Variants in GULP1 observed in about 807,000 individuals in gnomAD.
GULP1 encodes the protein PTB domain-containing engulfment adapter protein 1.
In GULP1, 19 loss-of-function variants were observed where a neutral mutation model predicts 40.9. That is an observed-to-expected ratio of 0.46 (90% confidence interval 0.32 to 0.68). The LOEUF (loss-of-function observed/expected upper bound fraction) is 0.68, where lower values mean the gene tolerates loss of function less well. GULP1 is among the 30% of genes least tolerant of loss of function. GULP1 has a pLI of 0.03. For missense variants in GULP1, 312 were observed against 362.2 expected (o/e 0.86, Z 1.12); for synonymous variants, 119 against 117.6 (o/e 1.01, Z -0.08).
intron 2 of GULP1, among the ~76,000 whole-genome samples, chr2:188,438,273 C>T (rs113239277): frequency 6.6e-6 from 1 of 151,924 alleles, no homozygotes; most frequent in African/African-American, 2.4e-5. Context: ...CTTCCAACAT[C>T]TTATTGGCCA....
intron 2 of GULP1, among the ~76,000 whole-genome samples, chr2:188,447,900 G>C (rs563632841): frequency 1.3e-5 from 2 of 152,236 alleles, no homozygotes; most frequent in South Asian, 2.1e-4. Context: ...CGTTTTTTGA[G>C]AGAAAGAATT....
chr2:188,552,284 T>C (rs1693669804), intron 7 of GULP1, among the ~76,000 whole-genome samples: 2 of 151,804 alleles, frequency 1.3e-5, no homozygotes, highest in Non-Finnish European at 3.0e-5. Context: ...TTTCTTTTAA[T>C]ATTTTTACAG....
At chr2:188,398,777 AC>A (rs1219874365) in intron 2 of GULP1, among the ~76,000 whole-genome samples, 1 of 152,196 alleles carries the variant, frequency 6.6e-6, no homozygotes, top group Admixed American at 6.5e-5. Flanking sequence ...ATTTGCTTTT[AC>A]AGCATGATTT....
intron 2 of GULP1, among the ~76,000 whole-genome samples, chr2:188,414,232 A>AAG (rs1553544554): frequency 7.8e-4 from 115 of 148,150 alleles, no homozygotes; most frequent in African/African-American, 1.4e-3. Context: ...AAAAAAAAAA[A>AAG]AAAAGAAAAA....
At chr2:188,498,595 T>C (rs1250200579) in intron 4 of GULP1, among the ~76,000 whole-genome samples, 14 of 151,886 alleles carry the variant, frequency 9.2e-5, no homozygotes, top group Admixed American at 8.6e-4. Context: ...AAATTATTGT[T>C]TTCAAGTTTC....
intron 2 of GULP1, among the ~76,000 whole-genome samples, chr2:188,424,207 A>T (rs2055841696): frequency 6.6e-6 from 1 of 151,940 alleles, no homozygotes. Context: ...TAAAAATTGC[A>T]AATATTTTAT....
At chr2:188,586,348 C>A (rs1204235511) in intron 10 of GULP1, among the ~76,000 whole-genome samples, 3 of 152,128 alleles carry the variant, frequency 2.0e-5, no homozygotes, top group Non-Finnish European at 4.4e-5. Flanking sequence ...GAAGCAGAAC[C>A]TTTTCACCAA....
intron 5 of GULP1, among the ~76,000 whole-genome samples, chr2:188,526,836 T>G (rs2153231300): frequency 6.6e-6 from 1 of 152,256 alleles, no homozygotes; most frequent in East Asian, 1.9e-4. Context: ...CTAGGCCTAA[T>G]TCCTAAAAAC....
intron 9 of GULP1, among the ~76,000 whole-genome samples, chr2:188,574,669 C>T (rs1699807235): frequency 6.6e-6 from 1 of 151,964 alleles, no homozygotes. Flanking sequence ...AAACAAACAA[C>T]AACAACAACA....
Position 188,333,292 on chromosome 2 carries a change from A to G in GULP1, c.-172+41126A>G, listed in dbSNP as rs1051495441. 2.0e-5 allele frequency among the ~76,000 whole-genome samples: 3 copies of G among 151,994 alleles called. 1 individual carries two copies. Among genetic ancestry groups the G allele is most frequent in the African/African-American group, 7.2e-5 (3 of 41,386 alleles). The stretch of plus-strand genomic sequence containing the variant: ...GGTATACTGAAGGGAATGGCTACAG[A>G]TAGAAAGACAGATTAGAAGACTATT... On this transcript the variant is annotated intron_variant, in intron 1 of 11. Transcript: ENST00000409830.
At chr2:188,356,741 G>A (rs1477536216) in intron 1 of GULP1, among the ~76,000 whole-genome samples, 1 of 151,964 alleles carries the variant, frequency 6.6e-6, no homozygotes, top group Non-Finnish European at 1.5e-5. Context: ...ACAATCCTAA[G>A]CAAAAAGAAC....
intron 1 of GULP1, among the ~76,000 whole-genome samples, chr2:188,293,650 T>A (rs1170291832): frequency 1.3e-5 from 2 of 152,148 alleles, no homozygotes; most frequent in Non-Finnish European, 2.9e-5. Context: ...ACCCACAAAT[T>A]GGGAGAGTGC....
rs566910398 is a variant in GULP1, at chr2:188,336,542, G to T, written c.-172+44376G>T. Among the ~76,000 whole-genome samples, 52 of 152,170 alleles carry T rather than the reference G, an allele frequency of 3.4e-4. 1 individual carries two copies. The South Asian group carries it at 0.011, about 31-fold the overall frequency. ...AAATAAACATATTAAATAAAATCAT[G>T]TAGTGATTAACATCATGAAGCAGAT... On this transcript the variant is annotated intron_variant, in intron 1 of 11. Coordinates refer to ENST00000409830, the MANE Select transcript of GULP1 (RefSeq NM_016315.4).
chr2:188,562,683 C>A (rs1696615262), intron 7 of GULP1, among the ~76,000 whole-genome samples: 1 of 152,100 alleles, frequency 6.6e-6, no homozygotes, highest in Non-Finnish European at 1.5e-5. Context: ...CCAATATCAT[C>A]CACCACTTTA....
At chr2:188,315,698 T>C (rs981491827) in intron 1 of GULP1, among the ~76,000 whole-genome samples, 7 of 152,164 alleles carry the variant, frequency 4.6e-5, no homozygotes, top group African/African-American at 1.7e-4. Flanking sequence ...ACCCTGTATA[T>C]ACCTGTACTA....
At chr2:188,391,279 C>G (rs113500935) in intron 2 of GULP1, among the ~76,000 whole-genome samples, 18,395 of 152,078 alleles carry the variant, frequency 0.12, 1,275 homozygotes, top group Middle Eastern at 0.17. Context: ...TGTATGATTT[C>G]TTTCAGCAGT....
chr2:188,559,546 A>G (rs936380033), intron 7 of GULP1, among the ~76,000 whole-genome samples: 7 of 152,316 alleles, frequency 4.6e-5, no homozygotes, highest in South Asian at 4.1e-4. Flanking sequence ...AGCTGTGAGA[A>G]GAGGCCCACT....
intron 2 of GULP1, among the ~76,000 whole-genome samples, chr2:188,460,701 G>A (rs2059631586): frequency 6.6e-6 from 1 of 152,060 alleles, no homozygotes; most frequent in Non-Finnish European, 1.5e-5. Context: ...AATAACAGTG[G>A]TGAAAGTGTG....
chr2:188,480,612 A>G (rs2061373358), intron 3 of GULP1, among the ~76,000 whole-genome samples: 1 of 151,956 alleles, frequency 6.6e-6, no homozygotes, highest in Admixed American at 6.6e-5. Context: ...GCTCTTTTGA[A>G]AAGATCTTTA....
Sources: allele counts gnomAD v4.1 joint callset (sites outside exome capture counted in the v4.1 genomes callset), GRCh38; gene constraint gnomAD v4.1.1; transcripts MANE v1.5; gene names NCBI Gene and HGNC (gene_info 2026-07-23, HGNC 2026-07-21).